Variants in TIMM44 observed in about 807,000 individuals in gnomAD.
TIMM44 encodes the protein translocase of inner mitochondrial membrane 44, also known as mitochondrial import inner membrane translocase subunit TIM44.
TIMM44 carries 37 observed loss-of-function variants against 63.8 expected under a neutral mutation model. That is an observed-to-expected ratio of 0.58 (90% confidence interval 0.45 to 0.76). The LOEUF (loss-of-function observed/expected upper bound fraction) is 0.76, where lower values mean the gene tolerates loss of function less well. TIMM44 is among the 30% of genes least tolerant of loss of function. The pLI, the probability that TIMM44 is intolerant of heterozygous loss-of-function variation, is 0.00. For synonymous variants in TIMM44, 239 were observed against 245.1 expected, an observed-to-expected ratio of 0.98 and a Z score of 0.23; for missense variants, 573 against 603.8, an observed-to-expected ratio of 0.95 and a Z score of 0.54.
intron 3 of TIMM44, among the ~76,000 whole-genome samples, chr19:7,935,641 G>A (rs890369799): frequency 1.4e-4 from 21 of 152,220 alleles, no homozygotes; most frequent in African/African-American, 5.1e-4. Context: ...GCAGCGGTGA[G>A]CTCCTTGCTC....
At chr19:7,929,804 T>C (rs971549824) in intron 10 of TIMM44, among the ~76,000 whole-genome samples, 3 of 152,178 alleles carry the variant, frequency 2.0e-5, no homozygotes, top group Non-Finnish European at 4.4e-5. Context: ...CACCTCATTT[T>C]ACTTCATGGC....
chr19:7,928,551 C>T, intron 10 of TIMM44: 1 of 217,532 alleles, frequency 4.6e-6, no homozygotes, highest in South Asian at 6.7e-5. Context: ...TAGGATCTGT[C>T]CTCAGCCTGA....
chr19:7,940,748 T>C (rs1485353253), intron 2 of TIMM44, among the ~76,000 whole-genome samples: 1 of 152,052 alleles, frequency 6.6e-6, no homozygotes, highest in Non-Finnish European at 1.5e-5. Flanking sequence ...CAAAGGGCTA[T>C]CTTCTAGAAA....
intron 10 of TIMM44, among the ~76,000 whole-genome samples, chr19:7,930,476 CTT>C (rs892880838): frequency 2.6e-5 from 4 of 151,666 alleles, no homozygotes; most frequent in African/African-American, 4.8e-5. Context: ...GCCTGGCTAA[CTT>C]TTTATTTTAG....
Position 7,934,706 on chromosome 19 carries a change from C to T in TIMM44, c.393+359G>A, listed in dbSNP as rs943183835. ...CGCAAAGCTGGACAGAACAGACAAC[C>T]GAGGAGAGCCGCAGCACCCCAGGAA... On this transcript the variant is annotated intron_variant, in intron 4 of 12. Coordinates refer to ENST00000270538, the MANE Select transcript of TIMM44 (RefSeq NM_006351.4). This position sits in a 1 kb window ranked among gnomAD's most constrained non-coding sequence, Gnocchi z 5.3. 3.3e-5 allele frequency among the ~76,000 whole-genome samples: 5 copies of T among 152,144 alleles called. No individual in the cohort carries two copies. The highest frequency in any genetic ancestry group is 1.2e-4 in the African/African-American group (5 of 41,448).
Position 7,943,484 on chromosome 19 carries a change from C to T in TIMM44, c.45+123G>A. The stretch of plus-strand genomic sequence containing the variant: ...GGCCTCTGCTACCCAAAGATCTAAC[C>T]CCAAGCTTTCTAAGGAGCCCAAGCA... On this transcript the variant is annotated intron_variant, in intron 1 of 12. Coordinates refer to ENST00000270538, the MANE Select transcript of TIMM44 (RefSeq NM_006351.4). This position sits in a 1 kb window ranked among gnomAD's most constrained non-coding sequence, Gnocchi z 4.3. 8.3e-7 allele frequency: 1 copy of T among 1,205,000 alleles called. No homozygotes were observed. Among genetic ancestry groups the T allele is most frequent in the South Asian group, 1.3e-5 (1 of 76,476 alleles). 74.6% of individuals were successfully genotyped at this position (1,205,000 alleles called of 1,614,324 possible).
At chr19:7,937,985 T>C (rs1269029868) in intron 3 of TIMM44, 42 bp downstream of exon 3, 1 of 1,612,536 alleles carries the variant, frequency 6.2e-7, no homozygotes, top group African/African-American at 1.3e-5. Context: ...ACCACTACTC[T>C]CCAGCCTGGG....
chr19:7,928,490 CT>C, intron 10 of TIMM44: 1 of 359,692 alleles, frequency 2.8e-6, no homozygotes, highest in South Asian at 3.2e-5. Flanking sequence ...ATCTTTAATA[CT>C]TCCATATTCG....
intron 2 of TIMM44, among the ~76,000 whole-genome samples, chr19:7,938,957 G>A (rs1055604501): frequency 4.6e-5 from 7 of 152,140 alleles, no homozygotes; most frequent in Admixed American, 3.9e-4. Context: ...ACTATAGACC[G>A]TTCTGGAAAA....
chr19:7,931,033 C>A (rs4804241), intron 10 of TIMM44, 105 bp downstream of exon 10: 185,050 of 1,035,826 alleles, frequency 0.18, 19,385 homozygotes, highest in Non-Finnish European at 0.21. Flanking sequence ...GAGCCCAGGT[C>A]CTGCCTGTTG....
rs1481036225 is a variant in TIMM44 at position 7,933,780 on chromosome 19, G to A, written c.683+84C>T. ...GCAAACTCAAGAAACGGACTCAGGA[G>A]GGAACCATTGGTGGGCTCCCGAAAT... is the stretch of plus-strand genomic sequence containing the variant. On this transcript the variant is annotated intron_variant, in intron 6 of 12. Transcript: ENST00000270538. This position sits in a 1 kb window ranked among gnomAD's most constrained non-coding sequence, Gnocchi z 4.3. 6.3e-7 allele frequency: 1 copy of A among 1,588,776 alleles called. No individual in the cohort carries two copies. The highest frequency in any genetic ancestry group is 8.6e-7 in the Non-Finnish European group (1 of 1,162,074).
chr19:7,936,311 C>T (rs1984154690), intron 3 of TIMM44, among the ~76,000 whole-genome samples: 1 of 152,054 alleles, frequency 6.6e-6, no homozygotes, highest in African/African-American at 2.4e-5. Flanking sequence ...ATTAGCCTGG[C>T]GTGGTGGTGG....
intron 2 of TIMM44, among the ~76,000 whole-genome samples, chr19:7,939,622 A>AG (rs1984249257): frequency 6.6e-6 from 1 of 151,140 alleles, no homozygotes; most frequent in South Asian, 2.1e-4. Context: ...CAAAAAAAAA[A>AG]AAAAAAAAGC....
Position 7,934,981 on chromosome 19 carries a change from C to T in TIMM44, c.393+84G>A. 1 of 1,333,888 alleles carries T rather than the reference C, an allele frequency of 7.5e-7. No homozygotes were observed. The highest frequency in any genetic ancestry group is 1.1e-6 in the Non-Finnish European group (1 of 948,366). The allele number at this position is 1,333,888 out of a possible 1,614,324, so 82.6% of individuals were successfully genotyped here. Reference sequence around the variant, plus strand: ...CCCACTGCTGCCAAGCCACCCCCACCCAGGAGCCGACTCTTCCTCCAGCCT... The same window carrying T: ...CCCACTGCTGCCAAGCCACCCCCACTCAGGAGCCGACTCTTCCTCCAGCCT... On this transcript the variant is annotated intron_variant, in intron 4 of 12. Coordinates refer to ENST00000270538, the MANE Select transcript of TIMM44 (RefSeq NM_006351.4). The surrounding 1 kb of genome is among the most constrained non-coding windows in gnomAD (Gnocchi z 5.3).
rs1255773128 is a variant in TIMM44 at position 7,938,050 on chromosome 19, G to GCACGCC, written c.288_289insGGCGTG (p.Val96_Leu97insGlyVal). 6.2e-7 allele frequency: 1 copy of GCACGCC among 1,613,974 alleles called. No individual in the cohort carries two copies. The highest frequency in any genetic ancestry group is 8.5e-7 in the Non-Finnish European group (1 of 1,180,012). On this transcript the variant is annotated inframe_insertion, in exon 3 of 13. Transcript: ENST00000270538. ...ACGTATTTCCTTCTGGCCTCCTGGA[G>GCACGCC]CACGTCTGATTCTTCTAGCCTTCTG...
intron 3 of TIMM44, 151 bp downstream of exon 3, chr19:7,937,876 G>C (rs752026001): frequency 2.0e-5 from 18 of 892,248 alleles, no homozygotes; most frequent in Non-Finnish European, 2.5e-5. Flanking sequence ...AAATTAGCTG[G>C]GCGTGGTGGT....
chr19:7,933,280 G>A lies in TIMM44; in HGVS notation c.769+205C>T, dbSNP rs530000781. On this transcript the variant is annotated intron_variant, in intron 7 of 12. Transcript: ENST00000270538. The surrounding 1 kb of genome is among the most constrained non-coding windows in gnomAD (Gnocchi z 4.3). ...TGCGGCTCGTTTCGGGGCCCTGACT[G>A]TGCTTATGAGGGAGCACCTGGCTTC... Among the ~76,000 whole-genome samples, 71 of 152,292 alleles carry A rather than the reference G, an allele frequency of 4.7e-4. No homozygotes were observed. The highest frequency in any genetic ancestry group is 1.6e-3 in the African/African-American group (68 of 41,570).
chr19:7,930,889 T>A (rs950822812), intron 10 of TIMM44, among the ~76,000 whole-genome samples: 3 of 151,908 alleles, frequency 2.0e-5, no homozygotes, highest in Non-Finnish European at 2.9e-5. Context: ...AAGTTTACAG[T>A]CTGGGAGCAA....
At chr19:7,937,982 C>T (rs946204617) in intron 3 of TIMM44, 45 bp downstream of exon 3, 8 of 1,611,832 alleles carry the variant, frequency 5.0e-6, no homozygotes, top group Admixed American at 1.7e-5. Context: ...CGCACCACTA[C>T]TCTCCAGCCT....
Sources: gnomAD v4.1 joint callset for allele counts (sites outside exome capture counted in the v4.1 genomes callset) on GRCh38, gnomAD v4.1.1 for gene constraint, Gnocchi (gnomAD v3.1) non-coding constraint, MANE v1.5 for transcripts, NCBI Gene and HGNC (gene_info 2026-07-23, HGNC 2026-07-21) for gene names.